The following PRR3 variants were observed in gnomAD, a reference collection of about 807,000 sequenced individuals.
PRR3 encodes the protein proline-rich protein 3.
A neutral mutation model predicts 22.4 loss-of-function variants in PRR3; 16 were observed. That is an observed-to-expected ratio of 0.71 (90% confidence interval 0.48 to 1.09). The LOEUF (loss-of-function observed/expected upper bound fraction) is 1.09, where lower values mean the gene tolerates loss of function less well. Ranked by LOEUF, PRR3 falls within the 50% of genes least tolerant of loss-of-function variation. The pLI is 0.00. For missense variants in PRR3, 224 were observed against 243.4 expected (o/e 0.92, Z 0.53); for synonymous variants, 87 against 88.6 (o/e 0.98, Z 0.10).
Position 30,561,458 on chromosome 6 carries a change from TCA to T in PRR3, c.170-373_170-372del, listed in dbSNP as rs1561761836. 2.0e-6 allele frequency: 1 copy of T among 505,850 alleles called. No individual in the cohort carries two copies. The highest frequency in any genetic ancestry group is 3.8e-6 in the Non-Finnish European group (1 of 260,978). The allele number at this position is 505,850 out of a possible 1,614,324, so 31.3% of individuals were successfully genotyped here. ...CTGCTACAGGCAACCTGGATGAATCTCACAAACATGATGTTGAGCGAAAGGAG... is the reference window on the plus strand; with the variant it reads ...CTGCTACAGGCAACCTGGATGAATCTCAAACATGATGTTGAGCGAAAGGAG... On this transcript the variant is annotated intron_variant, in intron 2 of 3. Transcript: ENST00000376560. This position sits in a 1 kb window ranked among gnomAD's most constrained non-coding sequence, Gnocchi z 4.0.
At position 30,558,202 on chromosome 6, in the gene PRR3, C is replaced by T; in HGVS notation, c.159C>T (p.Asp53=). The T allele has an allele frequency of 6.2e-7, 1 of 1,612,932 alleles. No homozygotes were observed. Among genetic ancestry groups the T allele is most frequent in the Non-Finnish European group, 8.5e-7 (1 of 1,179,936 alleles). The change falls in exon 2 of 4, where the codon GAC becomes GAT. Residue 53 remains aspartate, a synonymous_variant. Coordinates refer to ENST00000376560, the MANE Select transcript of PRR3 (RefSeq NM_025263.4). ...PPPMANGKPG[D]PKSALHRGPP... The stretch of plus-strand genomic sequence containing the variant: ...CCATGGCCAATGGAAAACCTGGCGA[C>T]CCTAAGTCAGGTGAGGAGGAAGGGG...
rs1240653591 is a variant in PRR3 at position 30,557,332 on chromosome 6, T to G, written c.-13T>G. 3 of 1,605,106 alleles carry G rather than the reference T, an allele frequency of 1.9e-6. No homozygotes were observed. The African/African-American group carries it at 4.0e-5, about 21-fold the overall frequency. Reference sequence around the variant, plus strand: ...ACCCTCCAAATCCCGCTGCAGCCATTGCCGCAGACACGATGCCGAAACGAA... The same window carrying G: ...ACCCTCCAAATCCCGCTGCAGCCATGGCCGCAGACACGATGCCGAAACGAA... On this transcript the variant is annotated 5_prime_UTR_variant, in exon 1 of 4. In the 5' UTR this introduces an upstream ATG that the reference lacks. Coordinates refer to ENST00000376560, the MANE Select transcript of PRR3 (RefSeq NM_025263.4).
In PRR3 at chr6:30,557,359, G is replaced by A. The variant is rs1800314128; in HGVS notation, c.15G>A (p.Lys5=). 1 of 1,612,598 alleles carries A rather than the reference G, an allele frequency of 6.2e-7. No homozygotes were observed. The highest frequency in any genetic ancestry group is 8.5e-7 in the Non-Finnish European group (1 of 1,179,888). Residue 5 remains lysine (K), a synonymous_variant, in exon 1 of 4, where the codon AAG becomes AAA. Transcript: ENST00000376560. ...CCGCAGACACGATGCCGAAACGAAAGAAGCAGAATCATCACCAGCCACCGA... is the reference window on the plus strand; with the variant it reads ...CCGCAGACACGATGCCGAAACGAAAAAAGCAGAATCATCACCAGCCACCGA... MPKR[K]KQNHHQPPTQ...
intron 1 of PRR3, 70 bp downstream of exon 1, chr6:30,557,520 G>A: frequency 9.0e-7 from 1 of 1,106,752 alleles, no homozygotes; most frequent in South Asian, 1.4e-5. Context: ...GGGCTAATAA[G>A]GTGCGAAGGA....
rs564516400 is a variant in PRR3, at chr6:30,563,039, C to A, written c.*544C>A. On this transcript the variant is annotated 3_prime_UTR_variant, in exon 4 of 4. Transcript: ENST00000376560. ...ACTTCCTAAAAGGCCACTCTCCCTG[C>A]CTTTGGATTTCATAGTTTCTCTGTC... The A allele has an allele frequency of 6.5e-6, 1 of 152,916 alleles. No homozygotes were observed. Among genetic ancestry groups the A allele is most frequent in the South Asian group, 2.1e-4 (1 of 4,820 alleles). 9.5% of individuals were successfully genotyped at this position (152,916 alleles called of 1,614,324 possible).
At chr6:30,560,314 G>C (rs574631151) in intron 2 of PRR3, 3 of 151,716 alleles carry the variant, frequency 2.0e-5, no homozygotes, top group Non-Finnish European at 4.4e-5. Flanking sequence ...GCAGTGAGTC[G>C]AGATCACGCC....
Position 30,562,427 on chromosome 6 carries a change from A to C in PRR3, c.499A>C (p.Lys167Gln). 3 of 1,614,188 alleles carry C rather than the reference A, an allele frequency of 1.9e-6. No homozygotes were observed. Among genetic ancestry groups the C allele is most frequent in the Non-Finnish European group, 2.5e-6 (3 of 1,180,016 alleles). Residue 167 changes from lysine (K) to glutamine (Q), a missense_variant, in exon 4 of 4, where the codon AAG (lysine) becomes CAG (glutamine). Lys to Gln is a moderately conservative substitution (Grantham distance 53, BLOSUM62 1). Transcript: ENST00000376560. ...DRPVCRHFAK[K>Q]GHCRYEDLCA... The stretch of plus-strand genomic sequence containing the variant: ...CCCTGTCTGCCGACATTTTGCCAAA[A>C]AGGGCCACTGTCGATATGAGGACCT...
Position 30,562,672 on chromosome 6 carries a change from C to T in PRR3, c.*177C>T, listed in dbSNP as rs990185627. On this transcript the variant is annotated 3_prime_UTR_variant, in exon 4 of 4. Coordinates refer to ENST00000376560, the MANE Select transcript of PRR3 (RefSeq NM_025263.4). Reference sequence around the variant, plus strand: ...CCAGAGTGGTGTTGCATCACTGGTGCGCGGCATACGCGCTTTCTTCTGATC... The same window carrying T: ...CCAGAGTGGTGTTGCATCACTGGTGTGCGGCATACGCGCTTTCTTCTGATC... 1.7e-5 allele frequency: 9 copies of T among 543,568 alleles called. No individual in the cohort carries two copies. The highest frequency in any genetic ancestry group is 2.6e-5 in the South Asian group (1 of 38,316). 33.7% of individuals were successfully genotyped at this position (543,568 alleles called of 1,614,324 possible). A position where few individuals can be genotyped will look rare whatever the true frequency, so the allele number is the denominator to read the frequency against.
At chr6:30,562,288 T>C (rs1057110025) in intron 3 of PRR3, 101 bp from the exon 4 acceptor site, 2 of 1,161,252 alleles carry the variant, frequency 1.7e-6, no homozygotes, top group South Asian at 1.4e-5. Flanking sequence ...CTGGAAATGG[T>C]AGGGGGTAGA....
At chr6:30,556,763 C>A, upstream of PRR3, 1 of 429,030 alleles carries the variant, frequency 2.3e-6, no homozygotes. The surrounding 1 kb of genome is among the most constrained non-coding windows in gnomAD (Gnocchi z 5.7). Flanking sequence ...GGTCAGAGGT[C>A]TTTAGGGGAG....
chr6:30,560,461 T>C (rs1324641089), intron 2 of PRR3: 1 of 151,942 alleles, frequency 6.6e-6, no homozygotes, highest in Non-Finnish European at 1.5e-5. Flanking sequence ...TTTTGTTTAA[T>C]GGGTACAGAG....
intron 1 of PRR3, 129 bp from the exon 2 acceptor site, chr6:30,558,021 A>G (rs903675657): frequency 1.1e-5 from 9 of 795,670 alleles, no homozygotes; most frequent in Non-Finnish European, 1.9e-5. Flanking sequence ...AGAACTCCCA[A>G]GACTGCTGAA....
chr6:30,558,628 GC>G (rs1800415911), intron 2 of PRR3, among the ~76,000 whole-genome samples: 1 of 152,046 alleles, frequency 6.6e-6, no homozygotes, highest in South Asian at 2.1e-4. Context: ...AGTTTTTGAG[GC>G]CACTCTGGGC....
At chr6:30,558,481 T>C (rs774785258) in intron 2 of PRR3, 5 of 474,946 alleles carry the variant, frequency 1.1e-5, no homozygotes, top group African/African-American at 7.7e-5. Context: ...ATGCAAAATA[T>C]CAAGGCGACT....
upstream of PRR3, chr6:30,557,166 A>G (rs1340944941): frequency 1.4e-6 from 1 of 704,646 alleles, no homozygotes; most frequent in South Asian, 1.5e-5. Context: ...GCAGAGACGG[A>G]GGGAGGCAGT....
rs1203110632 is a variant in PRR3, at chr6:30,561,752, A to G, written c.170-82A>G. 7.3e-7 allele frequency: 1 copy of G among 1,371,860 alleles called. No homozygotes were observed. Among genetic ancestry groups the G allele is most frequent in the Non-Finnish European group, 9.7e-7 (1 of 1,033,148 alleles). 85.0% of individuals were successfully genotyped at this position (1,371,860 alleles called of 1,614,324 possible). ...TTTATGTATGCTGTTCTTCAATAAA[A>G]AAAATTTTTTTAATCACGGTTTATC... On this transcript the variant is annotated intron_variant, in intron 2 of 3. Coordinates refer to ENST00000376560, the MANE Select transcript of PRR3 (RefSeq NM_025263.4). This position sits in a 1 kb window ranked among gnomAD's most constrained non-coding sequence, Gnocchi z 4.0.
Position 30,558,217 on chromosome 6 carries a change from G to T in PRR3, c.169+5G>T. ...AACCTGGCGACCCTAAGTCAGGTGA[G>T]GAGGAAGGGGCCCTGATCCTTGTAT... On this transcript the variant is annotated splice_donor_5th_base_variant and intron_variant, in intron 2 of 3. Transcript: ENST00000376560. 6.2e-7 allele frequency: 1 copy of T among 1,612,438 alleles called. No homozygotes were observed. The highest frequency in any genetic ancestry group is 8.5e-7 in the Non-Finnish European group (1 of 1,179,474).
chr6:30,562,241 T>C, intron 3 of PRR3, 117 bp downstream of exon 3: 3 of 1,271,278 alleles, frequency 2.4e-6, no homozygotes, highest in Non-Finnish European at 3.3e-6. Context: ...ACCTCAATGT[T>C]ATTTCTCCCA....
chr6:30,557,450 G>A lies in PRR3; in HGVS notation c.106G>A (p.Gly36Arg), dbSNP rs368384109. ...TGDEEDGSPI[G>R]PPSLLGPPPM... ...AGATGAGGAGGATGGGAGTCCCATC[G>A]GTGAGGGGTCTGGGAGGGATGTGCA... is the stretch of plus-strand genomic sequence containing the variant. Residue 36 changes from glycine (G) to arginine (R), a missense_variant and splice_region_variant, in exon 1 of 4, where the codon GGA (glycine) becomes AGA (arginine). Coordinates refer to ENST00000376560, the MANE Select transcript of PRR3 (RefSeq NM_025263.4). The A allele has an allele frequency of 6.2e-7, 1 of 1,603,134 alleles. No individual in the cohort carries two copies. Among genetic ancestry groups the A allele is most frequent in the African/African-American group, 1.3e-5 (1 of 74,886 alleles).
Sources: gnomAD v4.1 joint callset for allele counts (sites outside exome capture counted in the v4.1 genomes callset) on GRCh38, gnomAD v4.1.1 for gene constraint, Gnocchi (gnomAD v3.1) non-coding constraint, MANE v1.5 for transcripts, NCBI Gene and HGNC (gene_info 2026-07-23, HGNC 2026-07-21) for gene names.